NOL10: variants seen among roughly 807,000 people sequenced by gnomAD.
NOL10 encodes H_NH0074G24.1.
Under a neutral mutation model 103.5 loss-of-function variants are expected in NOL10, and 58 were observed. That is an observed-to-expected ratio of 0.56 (90% CI 0.45 to 0.70). The LOEUF is 0.70. Among genes scored for constraint, NOL10 ranks in the 30% least tolerant of loss-of-function variants. The pLI, the probability that NOL10 is intolerant of heterozygous loss-of-function variation, is 0.00. For missense variants in NOL10, 763 were observed against 807.3 expected, an observed-to-expected ratio of 0.95 and a Z score of 0.67; for synonymous variants, 287 against 282.5, an observed-to-expected ratio of 1.02 and a Z score of -0.16.
chr2:10,572,817 G>A lies in NOL10; in HGVS notation c.1948-627C>T, dbSNP rs534067329. Among the ~76,000 whole-genome samples, 4 of 152,296 alleles carry A rather than the reference G, an allele frequency of 2.6e-5. No homozygotes were observed. The South Asian group carries it at 8.3e-4, about 32-fold the overall frequency. On this transcript the variant is annotated intron_variant, in intron 20 of 20. Coordinates refer to ENST00000381685, the MANE Select transcript of NOL10 (RefSeq NM_024894.4). ...GCAGACGATGCACACGTTCACAGCT[G>A]CAATAACCATGTGGACTCTCGGGCT... is the stretch of plus-strand genomic sequence containing the variant.
intron 6 of NOL10, 34 bp downstream of exon 6, chr2:10,671,520 G>T: frequency 6.8e-7 from 1 of 1,473,814 alleles, no homozygotes; most frequent in South Asian, 1.5e-5. Flanking sequence ...TGTTTTAGGA[G>T]GTGAAAAGGA....
At chr2:10,629,346 T>C (rs1196123082) in intron 13 of NOL10, among the ~76,000 whole-genome samples, 1 of 152,174 alleles carries the variant, frequency 6.6e-6, no homozygotes, top group Non-Finnish European at 1.5e-5. Context: ...CAAAAATAAC[T>C]ATTACTTTAT....
intron 8 of NOL10, among the ~76,000 whole-genome samples, chr2:10,666,049 A>G (rs1680548364): frequency 6.6e-6 from 1 of 151,842 alleles, no homozygotes; most frequent in South Asian, 2.1e-4. Context: ...TCCCTTCCCC[A>G]TCCAGTAATC....
chr2:10,632,419 A>G (rs1677910481), intron 13 of NOL10, among the ~76,000 whole-genome samples: 1 of 152,240 alleles, frequency 6.6e-6, no homozygotes, highest in African/African-American at 2.4e-5. Context: ...CTGTGTTTCA[A>G]TAAAACTTTA....
In NOL10 at chr2:10,621,646, A is replaced by G. The variant is rs181677817; in HGVS notation, c.1027-14335T>C. 4.2e-3 allele frequency among the ~76,000 whole-genome samples: 633 copies of G among 152,332 alleles called. 2 individuals are homozygous for G. The highest frequency in any genetic ancestry group is 0.012 in the Admixed American group (188 of 15,292). ...TGGGCTTCTAGGCAACCAAGACAAA[A>G]GGAGATGCACAGTAAGGTCGACAGA... On this transcript the variant is annotated intron_variant, in intron 13 of 20. Coordinates refer to ENST00000381685, the MANE Select transcript of NOL10 (RefSeq NM_024894.4).
At chr2:10,574,078 G>A (rs370555609) in intron 20 of NOL10, among the ~76,000 whole-genome samples, 1 of 152,172 alleles carries the variant, frequency 6.6e-6, no homozygotes, top group African/African-American at 2.4e-5. Context: ...AGCACTTGCC[G>A]CAGTTCTAAT....
chr2:10,657,693 G>A (rs1157771169), intron 11 of NOL10, 49 bp downstream of exon 11: 22 of 1,481,968 alleles, frequency 1.5e-5, no homozygotes, highest in East Asian at 7.4e-5. Flanking sequence ...AGGATCATTC[G>A]GAACACCTGC....
chr2:10,649,100 A>G (rs541712625), intron 12 of NOL10, among the ~76,000 whole-genome samples: 51 of 152,266 alleles, frequency 3.3e-4, no homozygotes, highest in African/African-American at 1.1e-3. Context: ...AATAATTTCA[A>G]TGATTTTCAG....
intron 5 of NOL10, among the ~76,000 whole-genome samples, chr2:10,672,520 T>A (rs1321065437): frequency 6.6e-6 from 1 of 152,126 alleles, no homozygotes; most frequent in Admixed American, 6.6e-5. Flanking sequence ...GTATGATAAA[T>A]GATACCATAG....
chr2:10,642,834 G>A (rs1678799966), intron 13 of NOL10, among the ~76,000 whole-genome samples: 1 of 152,096 alleles, frequency 6.6e-6, no homozygotes, highest in Admixed American at 6.5e-5. Context: ...GGCCCTCAGT[G>A]GGTACAGGGT....
At chr2:10,660,107 G>A (rs1053928627) in intron 9 of NOL10, among the ~76,000 whole-genome samples, 1 of 152,016 alleles carries the variant, frequency 6.6e-6, no homozygotes, top group Non-Finnish European at 1.5e-5. Context: ...ACATGCCCTT[G>A]GCCCAGGACC....
chr2:10,581,579 C>T (rs1434203117), intron 19 of NOL10, among the ~76,000 whole-genome samples: 1 of 152,176 alleles, frequency 6.6e-6, no homozygotes, highest in Non-Finnish European at 1.5e-5. Context: ...GCAATTCCAG[C>T]ATTTTGGGAG....
chr2:10,686,052 C>A (rs1159008708), intron 1 of NOL10, among the ~76,000 whole-genome samples: 1 of 151,306 alleles, frequency 6.6e-6, no homozygotes, highest in Non-Finnish European at 1.5e-5. Flanking sequence ...ACAGAGTAAA[C>A]CTGTTTCAAA....
intron 13 of NOL10, among the ~76,000 whole-genome samples, chr2:10,620,926 G>A (rs1465561236): frequency 6.6e-6 from 1 of 152,140 alleles, no homozygotes; most frequent in African/African-American, 2.4e-5. Context: ...CTCCTGAGTA[G>A]CTGGGACCAA....
intron 14 of NOL10, among the ~76,000 whole-genome samples, chr2:10,604,458 G>A (rs976168082): frequency 3.3e-5 from 5 of 152,118 alleles, no homozygotes; most frequent in African/African-American, 1.2e-4. Flanking sequence ...ACTTGATTAG[G>A]AAAATACTGT....
intron 19 of NOL10, among the ~76,000 whole-genome samples, chr2:10,581,265 G>C (rs1024064877): frequency 3.0e-5 from 4 of 131,892 alleles, no homozygotes; most frequent in African/African-American, 1.1e-4. Flanking sequence ...AGGGTGATCT[G>C]GCAGTCTCTT....
At chr2:10,601,547 C>T (rs1274742899) in intron 16 of NOL10, among the ~76,000 whole-genome samples, 1 of 151,952 alleles carries the variant, frequency 6.6e-6, no homozygotes, top group Non-Finnish European at 1.5e-5. Flanking sequence ...AGCGCAATGG[C>T]TCATGACTGT....
chr2:10,647,509 G>A (rs912312260), intron 12 of NOL10, among the ~76,000 whole-genome samples: 1 of 152,244 alleles, frequency 6.6e-6, no homozygotes, highest in African/African-American at 2.4e-5. Flanking sequence ...TCAACGTGCA[G>A]TGGATTAGAA....
chr2:10,612,118 G>GT (rs1676607738), intron 13 of NOL10, among the ~76,000 whole-genome samples: 1 of 152,046 alleles, frequency 6.6e-6, no homozygotes, highest in Non-Finnish European at 1.5e-5. Context: ...GTGAGACCCT[G>GT]TCTCTAAGAA....
Sources: allele counts gnomAD v4.1 joint callset (sites outside exome capture counted in the v4.1 genomes callset), GRCh38; gene constraint gnomAD v4.1.1; transcripts MANE v1.5; gene names NCBI Gene and HGNC (gene_info 2026-07-23, HGNC 2026-07-21).